LRRC69: variants seen among roughly 807,000 people sequenced by gnomAD.
The protein encoded by LRRC69 is leucine rich repeat containing 69.
A neutral mutation model predicts 37.8 loss-of-function variants in LRRC69; 42 were observed. The observed-to-expected ratio is 1.11, with a 90% CI of 0.87 to 1.44. LRRC69 has a LOEUF of 1.44. Ranked by LOEUF, LRRC69 falls within the 40% of genes most tolerant of loss-of-function variation. LRRC69 has a pLI of 0.00. For missense variants in LRRC69, 357 were observed against 401.9 expected (o/e 0.89, Z 0.96); for synonymous variants, 141 against 143.1 (o/e 0.99, Z 0.11).
At position 91,189,525 on chromosome 8, in the gene LRRC69, C is replaced by T. The variant is rs1437254659; in HGVS notation, c.655C>T (p.Gln219Ter). Residue 219 changes from glutamine to a stop codon, truncating the protein, a stop_gained, in exon 6 of 8, where the codon CAG becomes TAG. Coordinates refer to ENST00000448384, the Ensembl canonical transcript of LRRC69. LOFTEE classifies it high-confidence loss of function. ...GGTTTTTATTTTGTTTGAAAAGTTTCAGGATCTGAAGCTGAGGGAATTCTA... is the reference window on the plus strand; with the variant it reads ...GGTTTTTATTTTGTTTGAAAAGTTTTAGGATCTGAAGCTGAGGGAATTCTA... 2 of 1,547,932 alleles carry T rather than the reference C, an allele frequency of 1.3e-6. No individual in the cohort carries two copies. The highest frequency in any genetic ancestry group is 3.9e-5 in the Admixed American group (2 of 50,680).
Position 91,206,744 on chromosome 8 carries a change from T to A in LRRC69, c.933+5952T>A, listed in dbSNP as rs1480795163. 16 of 1,289,636 alleles carry A rather than the reference T, an allele frequency of 1.2e-5. No individual in the cohort carries two copies. The Admixed American group carries it at 3.7e-4, about 30-fold the overall frequency. 79.9% of individuals were successfully genotyped at this position (1,289,636 alleles called of 1,614,324 possible). ...CAGCCAGAATTTATTTGGTACTGAGTGTGCATCTGGTGCTCTGCTAAATAT... is the reference window on the plus strand; with the variant it reads ...CAGCCAGAATTTATTTGGTACTGAGAGTGCATCTGGTGCTCTGCTAAATAT... On this transcript the variant is annotated intron_variant, in intron 7 of 7. Transcript: ENST00000448384.
intron 5 of LRRC69, among the ~76,000 whole-genome samples, chr8:91,182,208 T>C (rs918377989): frequency 6.6e-6 from 1 of 152,146 alleles, no homozygotes; most frequent in Admixed American, 6.5e-5. Context: ...TTTTAGCACA[T>C]TTCTATGTTT....
intron 5 of LRRC69, among the ~76,000 whole-genome samples, chr8:91,186,033 T>C (rs544345886): frequency 2.0e-5 from 3 of 152,324 alleles, no homozygotes; most frequent in African/African-American, 7.2e-5. Context: ...TTGTATATTC[T>C]TCCTGAGTCC....
chr8:91,176,240 T>A (rs943211234), intron 5 of LRRC69, among the ~76,000 whole-genome samples: 1 of 151,436 alleles, frequency 6.6e-6, no homozygotes, highest in Non-Finnish European at 1.5e-5. Context: ...GTTCAAGCGA[T>A]TCCCCTGCCT....
chr8:91,171,299 G>C (rs1205684808), intron 5 of LRRC69, among the ~76,000 whole-genome samples: 2 of 151,178 alleles, frequency 1.3e-5, no homozygotes, highest in East Asian at 3.9e-4. Flanking sequence ...TTTAGTATTA[G>C]TTATTCCATG....
chr8:91,152,722 A>G (rs1177545574), intron 5 of LRRC69, among the ~76,000 whole-genome samples: 4 of 151,500 alleles, frequency 2.6e-5, no homozygotes, highest in Admixed American at 1.3e-4. Flanking sequence ...TTTGGACATT[A>G]TGGCCATTTT....
intron 7 of LRRC69, among the ~76,000 whole-genome samples, chr8:91,202,913 G>A (rs1015738611): frequency 6.6e-6 from 1 of 152,202 alleles, no homozygotes; most frequent in South Asian, 2.1e-4. Context: ...GATCGCAGTG[G>A]CAATGGAGGG....
intron 5 of LRRC69, among the ~76,000 whole-genome samples, chr8:91,159,528 C>G (rs191227350): frequency 5.8e-4 from 87 of 151,198 alleles, no homozygotes; most frequent in African/African-American, 2.1e-3. Flanking sequence ...TGACATATTT[C>G]TTTATTTTCA....
intron 4 of LRRC69, 64 bp downstream of exon 4, chr8:91,133,369 G>T: frequency 8.0e-7 from 1 of 1,245,588 alleles, no homozygotes; most frequent in Non-Finnish European, 1.1e-6. Flanking sequence ...ATGGGAGGTG[G>T]TTATAGATTA....
intron 1 of LRRC69, among the ~76,000 whole-genome samples, chr8:91,105,867 C>T (rs1228572541): frequency 6.6e-6 from 1 of 151,942 alleles, no homozygotes; most frequent in Admixed American, 6.6e-5. Context: ...ATCTGTGTCT[C>T]AGGCACTCAG....
At chr8:91,130,796 T>A (rs1288251177) in intron 3 of LRRC69, 3 of 152,012 alleles carry the variant, frequency 2.0e-5, no homozygotes, top group African/African-American at 7.2e-5. Context: ...GTTCTGGAAG[T>A]TGGGAAGTGA....
intron 5 of LRRC69, among the ~76,000 whole-genome samples, chr8:91,188,170 AG>A (rs1199414010): frequency 2.0e-5 from 3 of 152,238 alleles, no homozygotes; most frequent in Non-Finnish European, 4.4e-5. Flanking sequence ...CCAGGACTCA[AG>A]GTGATACCAA....
At chr8:91,160,582 A>T (rs531068906) in intron 5 of LRRC69, among the ~76,000 whole-genome samples, 5 of 151,206 alleles carry the variant, frequency 3.3e-5, no homozygotes, top group South Asian at 2.1e-4. Flanking sequence ...CTGGTTGTTT[A>T]AAAATGCACA....
intron 5 of LRRC69, chr8:91,158,365 A>T: frequency 7.0e-7 from 1 of 1,431,350 alleles, no homozygotes; most frequent in South Asian, 1.1e-5. Flanking sequence ...CTTGGTATTT[A>T]GATGACAACA....
chr8:91,133,435 C>T, intron 4 of LRRC69, 130 bp downstream of exon 4: 1 of 608,770 alleles, frequency 1.6e-6, no homozygotes, highest in South Asian at 2.9e-5. Context: ...TAAATGTAGT[C>T]AGTTCCCAAA....
intron 3 of LRRC69, among the ~76,000 whole-genome samples, chr8:91,128,732 T>C (rs1813759921): frequency 6.6e-6 from 1 of 152,072 alleles, no homozygotes; most frequent in Admixed American, 6.6e-5. Context: ...ATGTTAGCTT[T>C]TATTATTATT....
At chr8:91,111,542 T>A (rs1472256314) in intron 1 of LRRC69, among the ~76,000 whole-genome samples, 2 of 151,658 alleles carry the variant, frequency 1.3e-5, no homozygotes, top group Non-Finnish European at 2.9e-5. Context: ...TCAAAAAAAA[T>A]AAATAGAAAA....
At chr8:91,215,992 G>A (rs899241344) in intron 7 of LRRC69, among the ~76,000 whole-genome samples, 2 of 152,178 alleles carry the variant, frequency 1.3e-5, no homozygotes, top group African/African-American at 4.8e-5. Flanking sequence ...TACTAGAGAT[G>A]ATGAATCTAG....
intron 7 of LRRC69, among the ~76,000 whole-genome samples, chr8:91,216,570 A>G (rs1810051732): frequency 6.6e-6 from 1 of 152,094 alleles, no homozygotes; most frequent in South Asian, 2.1e-4. Flanking sequence ...TAGTTCTTTA[A>G]TTCTAGCTGA....
Sources: gnomAD v4.1 joint callset for allele counts (sites outside exome capture counted in the v4.1 genomes callset) on GRCh38, gnomAD v4.1.1 for gene constraint, MANE v1.5 for transcripts, NCBI Gene and HGNC (gene_info 2026-07-23, HGNC 2026-07-21) for gene names.